Variants in PCDHGA8 observed in about 807,000 individuals in gnomAD.
PCDHGA8 encodes protocadherin gamma subfamily A, 8, also known as protocadherin gamma-A8.
A neutral mutation model predicts 59.2 loss-of-function variants in PCDHGA8; 45 were observed. The observed-to-expected ratio is 0.76, with a 90% CI of 0.60 to 0.98. The LOEUF (loss-of-function observed/expected upper bound fraction) is 0.98. Ranked by LOEUF, PCDHGA8 falls within the 50% of genes least tolerant of loss-of-function variation. The pLI, the probability that PCDHGA8 is intolerant of heterozygous loss-of-function variation, is 0.00. For synonymous variants in PCDHGA8, 531 were observed against 519.0 expected, an observed-to-expected ratio of 1.02 and a Z score of -0.32; for missense variants, 1,257 against 1,196.2, an observed-to-expected ratio of 1.05 and a Z score of -0.75.
intron 1 of PCDHGA8, chr5:141,397,991 C>T (rs960718940): frequency 1.5e-6 from 2 of 1,340,100 alleles, no homozygotes; most frequent in African/African-American, 3.0e-5. Context: ...TACACCGCTT[C>T]CTCCTCGGAA....
chr5:141,400,368 C>T lies in PCDHGA8; in HGVS notation c.2424+5131C>T. On this transcript the variant is annotated intron_variant, in intron 1 of 3. Coordinates refer to ENST00000398604, the MANE Select transcript of PCDHGA8 (RefSeq NM_032088.2). ...ACAGTCAGGGGACTTTGCCTTATTC[C>T]TACAACCTATGTGTTGCACATACAG... is the stretch of plus-strand genomic sequence containing the variant. 8.1e-6 allele frequency: 13 copies of T among 1,614,044 alleles called. No homozygotes were observed. The highest frequency in any genetic ancestry group is 1.6e-4 in the Middle Eastern group (1 of 6,062).
In PCDHGA8 at chr5:141,505,438, T is replaced by C. The variant is rs149352680; in HGVS notation, c.2529T>C (p.Phe843=). The C allele has an allele frequency of 6.8e-6, 11 of 1,614,046 alleles. No homozygotes were observed. The African/African-American group carries it at 1.5e-4, about 22-fold the overall frequency. The stretch of plus-strand genomic sequence containing the variant: ...CCGGCACCTGGCCCAACAACCAGTT[T>C]GACACAGAGATGCTGCAAGCCATGA... ...DDTGTWPNNQ[F]DTEMLQAMIL... Residue 843 remains phenylalanine, a synonymous_variant, in exon 3 of 4, where the codon TTT becomes TTC. Transcript: ENST00000398604.
chr5:141,428,454 C>A, intron 1 of PCDHGA8: 1 of 365,394 alleles, frequency 2.7e-6, no homozygotes, highest in Non-Finnish European at 5.2e-6. Context: ...TTTTTCCCAA[C>A]TACAATGAGG....
rs1291576624 is a variant in PCDHGA8, at chr5:141,393,226, T to C, written c.413T>C (p.Leu138Pro). The change falls in exon 1 of 4, where the codon CTA becomes CCA. Residue 138 changes from leucine to proline, a missense_variant. Coordinates refer to ENST00000398604, the MANE Select transcript of PCDHGA8 (RefSeq NM_032088.2). The stretch of plus-strand genomic sequence containing the variant: ...AACCCAAAATTCCAGGTCGAAGATC[T>C]AGAAGTAAAAATTAACGAAATCGCG... ...DNNPKFQVED[L>P]EVKINEIAVP... is the part of the protein sequence containing the mutation. 1 of 1,613,712 alleles carries C rather than the reference T, an allele frequency of 6.2e-7. No individual in the cohort carries two copies. Among genetic ancestry groups the C allele is most frequent in the Non-Finnish European group, 8.5e-7 (1 of 1,179,904 alleles).
chr5:141,429,697 C>T (rs2097236349), intron 1 of PCDHGA8, among the ~76,000 whole-genome samples: 1 of 152,134 alleles, frequency 6.6e-6, no homozygotes, highest in African/African-American at 2.4e-5. Context: ...AATATCTTTA[C>T]AGTATAAATA....
chr5:141,460,961 ATGTGTGTG>A (rs35821115), intron 1 of PCDHGA8, among the ~76,000 whole-genome samples: 11 of 144,552 alleles, frequency 7.6e-5, no homozygotes, highest in South Asian at 2.2e-4. Context: ...GTATATATAT[ATGTGTGTG>A]TGTGTGTGTG....
chr5:141,410,517 C>A, intron 1 of PCDHGA8: 1 of 1,613,926 alleles, frequency 6.2e-7, no homozygotes, highest in Non-Finnish European at 8.5e-7. Context: ...TGCAGTGTGC[C>A]CCTACATTCC....
At chr5:141,415,966 C>A in intron 1 of PCDHGA8, 1 of 405,602 alleles carries the variant, frequency 2.5e-6, no homozygotes, top group East Asian at 5.2e-5. Context: ...AAACTCCAGC[C>A]CCTTAAGCAA....
intron 2 of PCDHGA8, among the ~76,000 whole-genome samples, chr5:141,503,681 A>C (rs1313633991): frequency 6.6e-6 from 1 of 152,102 alleles, no homozygotes; most frequent in Non-Finnish European, 1.5e-5. Context: ...ACTTTTGGGA[A>C]GGAGAATTGA....
chr5:141,396,042 A>G (rs2093337325), intron 1 of PCDHGA8: 2 of 152,260 alleles, frequency 1.3e-5, no homozygotes, highest in Non-Finnish European at 2.9e-5. Context: ...ACATATTTCA[A>G]TACAATTCCA....
At chr5:141,421,930 G>A (rs780569992) in intron 1 of PCDHGA8, 1 of 1,613,480 alleles carries the variant, frequency 6.2e-7, no homozygotes, top group Non-Finnish European at 8.5e-7. Flanking sequence ...GGTGGTCCTC[G>A]ATGTAAATGA....
chr5:141,488,837 C>A (rs550655328), intron 1 of PCDHGA8, among the ~76,000 whole-genome samples: 1 of 152,280 alleles, frequency 6.6e-6, no homozygotes, highest in African/African-American at 2.4e-5. Context: ...GCCAAGGGGG[C>A]TGAATCAACC....
chr5:141,481,167 A>C (rs77180710), intron 1 of PCDHGA8, among the ~76,000 whole-genome samples: 2,577 of 152,328 alleles, frequency 0.017, 78 homozygotes, highest in African/African-American at 0.059. Flanking sequence ...GCAGAACCAG[A>C]ATCCAGCTTT....
chr5:141,490,103 C>T lies in PCDHGA8; in HGVS notation c.2425-4704C>T, dbSNP rs1012215533. ...TCTTTTGGAGACCACACATCTGAGG[C>T]AGTGCGGAACCTCTTTGGCCTAGAC... On this transcript the variant is annotated intron_variant, in intron 1 of 3. Coordinates refer to ENST00000398604, the MANE Select transcript of PCDHGA8 (RefSeq NM_032088.2). The surrounding 1 kb of genome is among the most constrained non-coding windows in gnomAD (Gnocchi z 5.4). The T allele has an allele frequency of 6.2e-7, 1 of 1,614,122 alleles. No homozygotes were observed. The highest frequency in any genetic ancestry group is 1.3e-5 in the African/African-American group (1 of 74,954).
intron 1 of PCDHGA8, chr5:141,421,154 G>A: frequency 8.7e-7 from 1 of 1,151,318 alleles, no homozygotes; most frequent in South Asian, 1.6e-5. Flanking sequence ...GTCGGCCTAG[G>A]ACTTCATAGA....
At chr5:141,419,432 C>A (rs2096381830) in intron 1 of PCDHGA8, 1 of 1,613,160 alleles carries the variant, frequency 6.2e-7, no homozygotes, top group Non-Finnish European at 8.5e-7. Flanking sequence ...CCACGAGCAG[C>A]TGCGCACCTT....
chr5:141,409,735 C>G lies in PCDHGA8; in HGVS notation c.2424+14498C>G, dbSNP rs763035733. Reference sequence around the variant, plus strand: ...CATACGTGTCAGTGAGCGCGCAGAGCGGGGTGGTGTTCGCGCAGCGCGCCT... The same window carrying G: ...CATACGTGTCAGTGAGCGCGCAGAGGGGGGTGGTGTTCGCGCAGCGCGCCT... On this transcript the variant is annotated intron_variant, in intron 1 of 3. Transcript: ENST00000398604. The G allele has an allele frequency of 3.7e-6, 6 of 1,613,006 alleles. No homozygotes were observed. The African/African-American group carries it at 8.0e-5, about 22-fold the overall frequency.
rs766227340 is a variant in PCDHGA8, at chr5:141,476,791, C to T, written c.2425-18016C>T. On this transcript the variant is annotated intron_variant, in intron 1 of 3. Transcript: ENST00000398604. The surrounding 1 kb of genome is among the most constrained non-coding windows in gnomAD (Gnocchi z 7.6). ...TGGACGGAGGGACCCCAGCTCTCTCCGCCAGCCTGCCTATTCACATCAAGG... is the reference window on the plus strand; with the variant it reads ...TGGACGGAGGGACCCCAGCTCTCTCTGCCAGCCTGCCTATTCACATCAAGG... 5.6e-6 allele frequency: 9 copies of T among 1,613,394 alleles called. No homozygotes were observed. Among genetic ancestry groups the T allele is most frequent in the Middle Eastern group, 1.6e-4 (1 of 6,084 alleles).
In PCDHGA8 at chr5:141,511,067, C is replaced by T. The variant is rs760786015; in HGVS notation, c.2693C>T (p.Pro898Leu). The change falls in exon 4 of 4, where the codon CCA (proline) becomes CTA (leucine). Residue 898 changes from proline (P) to leucine (L), a missense_variant. Pro to Leu is a moderately conservative substitution (Grantham distance 98). Coordinates refer to ENST00000398604, the MANE Select transcript of PCDHGA8 (RefSeq NM_032088.2). ...VPDYRQNVYI[P>L]GSNATLTNAA... ...GACTACCGCCAGAATGTCTACATCC[C>T]AGGCAGCAATGCCACACTGACCAAC... 7.4e-6 allele frequency: 12 copies of T among 1,614,136 alleles called. No homozygotes were observed. Among genetic ancestry groups the T allele is most frequent in the African/African-American group, 1.3e-5 (1 of 74,942 alleles).
Sources: allele counts gnomAD v4.1 joint callset (sites outside exome capture counted in the v4.1 genomes callset), GRCh38; gene constraint gnomAD v4.1.1; non-coding constraint Gnocchi (gnomAD v3.1); transcripts MANE v1.5; gene names NCBI Gene and HGNC (gene_info 2026-07-23, HGNC 2026-07-21).